UBE2E2: variants seen among roughly 807,000 people sequenced by gnomAD.
UBE2E2 encodes ubiquitin-conjugating enzyme E2 E2.
Under a neutral mutation model 24.7 loss-of-function variants are expected in UBE2E2, and 6 were observed. The ratio of observed to expected loss-of-function variants is 0.24; its 90% CI spans 0.13 to 0.48. The LOEUF (loss-of-function observed/expected upper bound fraction) is 0.48. Among genes scored for constraint, UBE2E2 ranks in the 20% least tolerant of loss-of-function variants. The pLI, the probability that UBE2E2 is intolerant of heterozygous loss-of-function variation, is 0.99. For synonymous variants in UBE2E2, 104 were observed against 83.6 expected (o/e 1.24, Z -1.33); for missense variants, 169 against 245.0 (o/e 0.69, Z 2.07).
intron 5 of UBE2E2, among the ~76,000 whole-genome samples, chr3:23,569,235 A>G (rs1268000349): frequency 1.3e-5 from 2 of 152,196 alleles, no homozygotes; most frequent in East Asian, 1.9e-4. Flanking sequence ...GAGACTACAT[A>G]TTATTCCATT....
chr3:23,214,040 C>T (rs1696400694), intron 2 of UBE2E2, among the ~76,000 whole-genome samples: 2 of 152,098 alleles, frequency 1.3e-5, no homozygotes. Flanking sequence ...CATCTTACAA[C>T]CGTTTAAATA....
chr3:23,467,807 TCTG>T (rs1482902660), intron 3 of UBE2E2, among the ~76,000 whole-genome samples: 7 of 152,160 alleles, frequency 4.6e-5, no homozygotes, highest in Non-Finnish European at 7.3e-5. Flanking sequence ...TGTACAGGCT[TCTG>T]CTTCTGGGGA....
chr3:23,590,028 A>T lies in UBE2E2; in HGVS notation c.*197A>T, dbSNP rs867268128. On this transcript the variant is annotated 3_prime_UTR_variant, in exon 6 of 6. Coordinates refer to ENST00000396703, the MANE Select transcript of UBE2E2 (RefSeq NM_152653.4). ...CTTCCTCTCTCCCACGCTCTCTTTT[A>T]TCTCTCATTTTATTCCCTTGTTGAT... The T allele has an allele frequency of 4.0e-6, 2 of 503,926 alleles. No homozygotes were observed. Among genetic ancestry groups the T allele is most frequent in the Non-Finnish European group, 7.1e-6 (2 of 282,072 alleles). 31.2% of individuals were successfully genotyped at this position (503,926 alleles called of 1,614,324 possible).
intron 3 of UBE2E2, among the ~76,000 whole-genome samples, chr3:23,481,391 A>T (rs138665585): frequency 6.6e-6 from 1 of 152,216 alleles, no homozygotes; most frequent in Non-Finnish European, 1.5e-5. Flanking sequence ...GAATCAGGCT[A>T]TCGTTTCTCA....
In UBE2E2 at chr3:23,449,705, A is replaced by G. The variant is rs1035074084; in HGVS notation, c.228-49903A>G. Among the ~76,000 whole-genome samples the G allele has an allele frequency of 9.2e-5, 14 of 152,358 alleles. No individual in the cohort carries two copies. The South Asian group carries it at 1.0e-3, about 11-fold the overall frequency. ...GGGGACTCAGGGGCAGACAGAATCAATCACACATCATGATTCATCAGTTCT... is the reference window on the plus strand; with the variant it reads ...GGGGACTCAGGGGCAGACAGAATCAGTCACACATCATGATTCATCAGTTCT... On this transcript the variant is annotated intron_variant, in intron 3 of 5. Coordinates refer to ENST00000396703, the MANE Select transcript of UBE2E2 (RefSeq NM_152653.4).
intron 3 of UBE2E2, among the ~76,000 whole-genome samples, chr3:23,290,580 G>A (rs566940266): frequency 2.0e-5 from 3 of 152,072 alleles, no homozygotes; most frequent in Non-Finnish European, 2.9e-5. Flanking sequence ...AGCTTCCTGA[G>A]TAACTGGGAT....
chr3:23,504,676 A>G (rs1451552266), intron 4 of UBE2E2, among the ~76,000 whole-genome samples: 1 of 152,090 alleles, frequency 6.6e-6, no homozygotes, highest in Non-Finnish European at 1.5e-5. Flanking sequence ...TTATTTGACT[A>G]CCTGTGAAAT....
At chr3:23,209,248 CTGAG>C (rs1388820860) in intron 2 of UBE2E2, among the ~76,000 whole-genome samples, 1 of 152,114 alleles carries the variant, frequency 6.6e-6, no homozygotes, top group African/African-American at 2.4e-5. Flanking sequence ...GAAGTAGTTA[CTGAG>C]TGAGTGACAG....
Position 23,389,766 on chromosome 3 carries a change from G to C in UBE2E2, c.228-109842G>C, listed in dbSNP as rs1407804066. On this transcript the variant is annotated intron_variant, in intron 3 of 5. Coordinates refer to ENST00000396703, the MANE Select transcript of UBE2E2 (RefSeq NM_152653.4). ...TTTTCTGTGCTTCTTCCCCGATAGA[G>C]TAATGTTGGTAGGTGCACTGGATAC... The C allele has an allele frequency of 5.8e-5, 10 of 171,382 alleles. No individual in the cohort carries two copies. In the Admixed American group the frequency reaches 6.3e-4, roughly 11 times the overall value. 10.6% of individuals were successfully genotyped at this position (171,382 alleles called of 1,614,324 possible). A position where few individuals can be genotyped will look rare whatever the true frequency, so the allele number is the denominator to read the frequency against.
chr3:23,348,579 TAGTA>T (rs1250016077), intron 3 of UBE2E2, among the ~76,000 whole-genome samples: 1 of 152,156 alleles, frequency 6.6e-6, no homozygotes, highest in Non-Finnish European at 1.5e-5. Flanking sequence ...GTCATAATCA[TAGTA>T]AGAAGAGTAA....
chr3:23,216,741 C>T (rs954629674), intron 2 of UBE2E2, among the ~76,000 whole-genome samples: 7 of 151,858 alleles, frequency 4.6e-5, no homozygotes, highest in Admixed American at 4.6e-4. Flanking sequence ...TAGGGTAGTT[C>T]TAGCCGATGA....
chr3:23,528,096 G>A (rs1695041709), intron 4 of UBE2E2, among the ~76,000 whole-genome samples: 1 of 152,256 alleles, frequency 6.6e-6, no homozygotes, highest in East Asian at 1.9e-4. Context: ...CTAAATCCAG[G>A]TGGATAGTAT....
chr3:23,287,180 A>G (rs370293599), intron 3 of UBE2E2, among the ~76,000 whole-genome samples: 2 of 152,104 alleles, frequency 1.3e-5, no homozygotes, highest in East Asian at 1.9e-4. Flanking sequence ...AGCAATGATC[A>G]TATGGTTTTT....
chr3:23,426,141 A>C (rs538911117), intron 3 of UBE2E2, among the ~76,000 whole-genome samples: 23 of 152,346 alleles, frequency 1.5e-4, no homozygotes, highest in African/African-American at 5.5e-4. Flanking sequence ...GACTTGACAC[A>C]GCTGAGGAAA....
intron 3 of UBE2E2, among the ~76,000 whole-genome samples, chr3:23,279,489 TTAATA>T (rs1402075115): frequency 6.6e-6 from 1 of 152,168 alleles, no homozygotes; most frequent in Non-Finnish European, 1.5e-5. Flanking sequence ...AGATATAACA[TTAATA>T]TAACATACAT....
intron 3 of UBE2E2, among the ~76,000 whole-genome samples, chr3:23,380,377 C>T (rs911820455): frequency 7.9e-5 from 12 of 152,130 alleles, no homozygotes; most frequent in African/African-American, 2.9e-4. Context: ...AGGCGTGTGC[C>T]GCTATGCCCA....
At chr3:23,435,131 G>A (rs1363952022) in intron 3 of UBE2E2, among the ~76,000 whole-genome samples, 1 of 152,102 alleles carries the variant, frequency 6.6e-6, no homozygotes, top group Non-Finnish European at 1.5e-5. Context: ...TGTTATTTAT[G>A]TCCCCACCTA....
At chr3:23,260,722 G>T (rs1318088803) in intron 3 of UBE2E2, among the ~76,000 whole-genome samples, 1 of 152,122 alleles carries the variant, frequency 6.6e-6, no homozygotes, top group Non-Finnish European at 1.5e-5. Context: ...GAGCCTGGGA[G>T]GTCGAGGCTG....
At chr3:23,501,918 A>AG (rs1393416218) in intron 4 of UBE2E2, among the ~76,000 whole-genome samples, 2 of 152,182 alleles carry the variant, frequency 1.3e-5, no homozygotes, top group Non-Finnish European at 1.5e-5. Context: ...GGAGAAAAAA[A>AG]AAAGCAAACT....
Sources: allele counts gnomAD v4.1 joint callset (sites outside exome capture counted in the v4.1 genomes callset), GRCh38; gene constraint gnomAD v4.1.1; transcripts MANE v1.5; gene names NCBI Gene and HGNC (gene_info 2026-07-23, HGNC 2026-07-21).